The following SORBS2 variants were observed in gnomAD, a reference collection of about 807,000 sequenced individuals.
The protein encoded by SORBS2 is sorbin and SH3 domain containing 2.
SORBS2 carries 46 observed loss-of-function variants against 97.7 expected under a neutral mutation model. The observed-to-expected ratio is 0.47, with a 90% CI of 0.37 to 0.60. SORBS2 has a LOEUF of 0.60. Among genes scored for constraint, SORBS2 ranks in the 20% least tolerant of loss-of-function variants. SORBS2 has a pLI of 0.00. For missense variants in SORBS2, 1,316 were observed against 1,282.3 expected (o/e 1.03, Z -0.40); for synonymous variants, 476 against 473.4 (o/e 1.01, Z -0.07).
chr4:185,736,379 CTG>C (rs1374814244), intron 2 of SORBS2, among the ~76,000 whole-genome samples: 1 of 152,206 alleles, frequency 6.6e-6, no homozygotes, highest in African/African-American at 2.4e-5. Context: ...CTTGCCTGGT[CTG>C]TGAGTGCCCT....
intron 4 of SORBS2, among the ~76,000 whole-genome samples, chr4:185,643,536 T>C (rs1475049893): frequency 6.6e-6 from 1 of 152,130 alleles, no homozygotes; most frequent in African/African-American, 2.4e-5. Flanking sequence ...GTGTGGAGAC[T>C]AGACTGGAGA....
intron 4 of SORBS2, chr4:185,666,287 AAAGC>A: frequency 1.4e-6 from 1 of 701,868 alleles, no homozygotes; most frequent in Non-Finnish European, 2.1e-6. Flanking sequence ...CAGAGAAGGC[AAAGC>A]ATCGGTTTTA....
intron 1 of SORBS2, chr4:185,775,982 C>A (rs1405111447): frequency 6.6e-6 from 1 of 152,232 alleles, no homozygotes; most frequent in Non-Finnish European, 1.5e-5. Flanking sequence ...ATGAGGCAGA[C>A]AAACAGTGAC....
At chr4:185,729,028 T>G (rs1241463186) in intron 2 of SORBS2, among the ~76,000 whole-genome samples, 1 of 152,224 alleles carries the variant, frequency 6.6e-6, no homozygotes, top group Non-Finnish European at 1.5e-5. Flanking sequence ...TGCCAGTGGT[T>G]GTTGTGAGGA....
At chr4:185,611,809 C>G (rs747275511) in exon 12 of SORBS2, 3 of 1,614,064 alleles carry the variant, frequency 1.9e-6, no homozygotes, top group South Asian at 2.2e-5. Context: ...TGAATCCTAT[C>G]ACTAGAATAG....
At chr4:185,916,802 G>C (rs2099258383) in intron 1 of SORBS2, among the ~76,000 whole-genome samples, 1 of 152,168 alleles carries the variant, frequency 6.6e-6, no homozygotes, top group Non-Finnish European at 1.5e-5. Context: ...GAATTATGTG[G>C]CCCCAAATAG....
intron 4 of SORBS2, among the ~76,000 whole-genome samples, chr4:185,669,301 G>C (rs186133180): frequency 1.5e-3 from 222 of 152,338 alleles, no homozygotes; most frequent in Non-Finnish European, 2.2e-3. Flanking sequence ...GCAGAATGCG[G>C]AAGTCATGTT....
intron 1 of SORBS2, among the ~76,000 whole-genome samples, chr4:185,893,821 A>T (rs1453985618): frequency 6.6e-6 from 1 of 151,612 alleles, no homozygotes; most frequent in Non-Finnish European, 1.5e-5. Flanking sequence ...TGTGGATAAA[A>T]CTCTCCTATA....
At chr4:185,686,951 C>T (rs73876149) in intron 2 of SORBS2, among the ~76,000 whole-genome samples, 15 of 152,262 alleles carry the variant, frequency 9.9e-5, no homozygotes, top group African/African-American at 2.9e-4. Context: ...ACATAATAGA[C>T]GCGCTATATT....
In SORBS2 at chr4:185,857,391, T is replaced by C. The variant is rs184689910; in HGVS notation, c.-337-82025A>G. Among the ~76,000 whole-genome samples, 444 of 152,298 alleles carry C rather than the reference T, an allele frequency of 2.9e-3. 1 individual carries two copies. Among genetic ancestry groups the C allele is most frequent in the Middle Eastern group, 0.014 (4 of 294 alleles). The stretch of plus-strand genomic sequence containing the variant: ...CCATCATCTTCGTAAGCTGAGGATG[T>C]ATGTCACCTCAGGACCCTGTGATGA... On this transcript the variant is annotated intron_variant, in intron 1 of 20. Transcript: ENST00000284776.
chr4:185,820,901 G>A (rs1290007471), intron 1 of SORBS2, among the ~76,000 whole-genome samples: 1 of 152,192 alleles, frequency 6.6e-6, no homozygotes, highest in East Asian at 1.9e-4. Context: ...AATGCCGAAT[G>A]AACAAATGAA....
At chr4:185,820,058 G>C (rs563208337) in intron 1 of SORBS2, among the ~76,000 whole-genome samples, 1 of 152,134 alleles carries the variant, frequency 6.6e-6, no homozygotes, top group African/African-American at 2.4e-5. Context: ...CTTGAATTTT[G>C]TATCTTTGAT....
intron 3 of SORBS2, 46 bp downstream of exon 6, chr4:185,678,748 TAA>T: frequency 7.5e-7 from 1 of 1,331,560 alleles, no homozygotes; most frequent in Non-Finnish European, 1.0e-6. Flanking sequence ...ATATGTTTTC[TAA>T]AAGTCACAAA....
In SORBS2 at chr4:185,677,575, C is replaced by G. The variant is rs755786069; in HGVS notation, c.-46+848G>C. ...GTTACTAACTGGTCTAAAATGACAC[C>G]CTTTGTGTGACTGGTTATCAAAGAG... On this transcript the variant is annotated intron_variant, in intron 4 of 20. Transcript: ENST00000284776. 10 of 1,542,536 alleles carry G rather than the reference C, an allele frequency of 6.5e-6. No homozygotes were observed. The East Asian group carries it at 2.2e-4, about 34-fold the overall frequency.
intron 1 of SORBS2, among the ~76,000 whole-genome samples, chr4:185,930,094 T>C (rs575566820): frequency 1.3e-5 from 2 of 152,300 alleles, no homozygotes; most frequent in East Asian, 3.9e-4. Flanking sequence ...GTCACTACTT[T>C]TCTACAAGAA....
intron 1 of SORBS2, among the ~76,000 whole-genome samples, chr4:185,867,861 G>A (rs557988301): frequency 6.6e-6 from 1 of 152,172 alleles, no homozygotes; most frequent in South Asian, 2.1e-4. Flanking sequence ...CCTCGAGGGG[G>A]CACCGTCTCT....
intron 1 of SORBS2, among the ~76,000 whole-genome samples, chr4:185,929,690 C>T (rs2099265515): frequency 6.6e-6 from 1 of 152,040 alleles, no homozygotes; most frequent in Non-Finnish European, 1.5e-5. Context: ...CATGCACCAC[C>T]ACGCCCAGCT....
intron 1 of SORBS2, among the ~76,000 whole-genome samples, chr4:185,942,713 C>T (rs4862603): frequency 0.12 from 18,970 of 152,210 alleles, 1,489 homozygotes; most frequent in Middle Eastern, 0.24. Flanking sequence ...GAACAATTTC[C>T]ACCTTTGCCC....
At chr4:185,757,706 G>T (rs1348110928) in intron 2 of SORBS2, among the ~76,000 whole-genome samples, 1 of 152,154 alleles carries the variant, frequency 6.6e-6, no homozygotes, top group Non-Finnish European at 1.5e-5. Flanking sequence ...AAGCCTAGGT[G>T]GTATGGATTG....
Sources: allele counts gnomAD v4.1 joint callset (sites outside exome capture counted in the v4.1 genomes callset), GRCh38; gene constraint gnomAD v4.1.1; transcripts MANE v1.5; gene names NCBI Gene and HGNC (gene_info 2026-07-23, HGNC 2026-07-21).